The following MYO6 variants were observed in gnomAD, a reference collection of about 807,000 sequenced individuals.
MYO6 encodes the protein myosin VI.
Under a neutral mutation model 178.7 loss-of-function variants are expected in MYO6, and 74 were observed. The ratio of observed to expected loss-of-function variants is 0.41; its 90% confidence interval spans 0.34 to 0.50. The LOEUF is 0.50. Ranked by LOEUF, MYO6 falls within the 20% of genes least tolerant of loss-of-function variation. The pLI is 0.09. For missense variants in MYO6, 1,330 were observed against 1,547.4 expected, an observed-to-expected ratio of 0.86 and a Z score of 2.36; for synonymous variants, 477 against 504.6, an observed-to-expected ratio of 0.95 and a Z score of 0.73.
At chr6:75,755,760 C>G (rs1403211392) in intron 1 of MYO6, among the ~76,000 whole-genome samples, 2 of 152,130 alleles carry the variant, frequency 1.3e-5, no homozygotes, top group Non-Finnish European at 2.9e-5. Context: ...GTAGTGTCTA[C>G]CACGGACCAG....
intron 1 of MYO6, among the ~76,000 whole-genome samples, chr6:75,763,252 C>G (rs1406172998): frequency 6.6e-6 from 1 of 152,022 alleles, no homozygotes; most frequent in African/African-American, 2.4e-5. Context: ...TCTTGAACTC[C>G]TGACCTCATG....
intron 20 of MYO6, among the ~76,000 whole-genome samples, chr6:75,874,108 T>G (rs980104691): frequency 3.7e-4 from 56 of 152,204 alleles, no homozygotes; most frequent in Admixed American, 3.7e-3. Context: ...AAGCTAAGAT[T>G]ACTTAAGCTT....
At chr6:75,795,760 T>C (rs1227665453) in intron 1 of MYO6, among the ~76,000 whole-genome samples, 1 of 152,248 alleles carries the variant, frequency 6.6e-6, no homozygotes, top group East Asian at 1.9e-4. Flanking sequence ...TATATTACTG[T>C]ATTTCTTTAA....
chr6:75,847,807 G>T (rs1774874629), intron 10 of MYO6, among the ~76,000 whole-genome samples: 2 of 151,966 alleles, frequency 1.3e-5, no homozygotes, highest in Middle Eastern at 3.4e-3. Flanking sequence ...GAGTCATACT[G>T]ATTGTCACAT....
chr6:75,765,640 C>T (rs2150002326), intron 1 of MYO6, among the ~76,000 whole-genome samples: 1 of 152,142 alleles, frequency 6.6e-6, no homozygotes, highest in South Asian at 2.1e-4. Context: ...CCCACCTACT[C>T]AGGAGGCTGA....
At chr6:75,811,466 T>A (rs1770694002) in intron 1 of MYO6, among the ~76,000 whole-genome samples, 1 of 152,192 alleles carries the variant, frequency 6.6e-6, no homozygotes, top group Non-Finnish European at 1.5e-5. Flanking sequence ...GTACTGTAGA[T>A]AAAGGGCTTT....
chr6:75,782,935 G>C, intron 1 of MYO6, among the ~76,000 whole-genome samples: 1 of 124,680 alleles, frequency 8.0e-6, no homozygotes. Flanking sequence ...TTTTTGAGAA[G>C]ACAGGGTCTT....
chr6:75,851,733 T>C (rs1775287893), intron 11 of MYO6, among the ~76,000 whole-genome samples: 1 of 152,026 alleles, frequency 6.6e-6, no homozygotes, highest in African/African-American at 2.4e-5. Flanking sequence ...TAGTCCCAGC[T>C]ACTTGGAAGG....
intron 31 of MYO6, 111 bp from the exon 32 acceptor site, chr6:75,908,385 C>G (rs781284295): frequency 1.1e-5 from 11 of 983,116 alleles, no homozygotes; most frequent in Non-Finnish European, 1.7e-5. Context: ...GATTTTGTAC[C>G]ATTAATTTAA....
chr6:75,882,961 G>A (rs1391985881), intron 23 of MYO6, among the ~76,000 whole-genome samples: 1 of 152,140 alleles, frequency 6.6e-6, no homozygotes, highest in Non-Finnish European at 1.5e-5. Flanking sequence ...AAAAACCATA[G>A]TGAGTCACCA....
chr6:75,782,026 A>G (rs895575225), intron 1 of MYO6, among the ~76,000 whole-genome samples: 4 of 151,994 alleles, frequency 2.6e-5, no homozygotes, highest in African/African-American at 9.7e-5. Flanking sequence ...GAGTGAAACT[A>G]ATTATTCTGA....
chr6:75,889,949 T>C, intron 25 of MYO6, 108 bp from the exon 26 acceptor site: 1 of 872,532 alleles, frequency 1.1e-6, no homozygotes. Context: ...CATTAAAATT[T>C]ATCTTAGCCA....
At chr6:75,826,633 G>T (rs1285939465) in intron 3 of MYO6, among the ~76,000 whole-genome samples, 2 of 152,078 alleles carry the variant, frequency 1.3e-5, no homozygotes, top group Non-Finnish European at 2.9e-5. Flanking sequence ...GAAGATTAGG[G>T]ATATAGAAAG....
intron 9 of MYO6, among the ~76,000 whole-genome samples, chr6:75,843,912 G>A (rs1404238833): frequency 1.3e-5 from 2 of 151,966 alleles, no homozygotes; most frequent in Non-Finnish European, 2.9e-5. Context: ...TTTTTGGTAT[G>A]TGTATGATGA....
intron 19 of MYO6, 28 bp downstream of exon 19, chr6:75,870,713 T>C: frequency 6.3e-7 from 1 of 1,588,922 alleles, no homozygotes. Flanking sequence ...GAAAACAGGT[T>C]TTTATGGGTC....
Position 75,879,843 on chromosome 6 carries a change from A to T in MYO6, c.2101A>T (p.Met701Leu), listed in dbSNP as rs754747665. 2 of 1,614,136 alleles carry T rather than the reference A, an allele frequency of 1.2e-6. No individual in the cohort carries two copies. The highest frequency in any genetic ancestry group is 1.7e-6 in the Non-Finnish European group (2 of 1,180,012). Residue 701 changes from methionine (M) to leucine (L), a missense_variant, in exon 21 of 35, where the codon ATG becomes TTG. By Grantham distance (15) the Met-to-Leu change is conservative (BLOSUM62 2). Transcript: ENST00000369977. The stretch of plus-strand genomic sequence containing the variant: ...AGGGATGGTGTCTGTTTTGGACTTG[A>T]TGCAGGGTGGTTACCCATCACGAGC... ...CSGMVSVLDLMQGGYPSRASF... is the reference protein window; with the variant it reads ...CSGMVSVLDLLQGGYPSRASF...
rs760717131 is a variant in MYO6, at chr6:75,822,861, A to G, written c.187+10A>G. 1 of 1,605,638 alleles carries G rather than the reference A, an allele frequency of 6.2e-7. No individual in the cohort carries two copies. Among genetic ancestry groups the G allele is most frequent in the South Asian group, 1.1e-5 (1 of 90,912 alleles). ...GATGTGGAAGATAACTGTAAGTACCAAGTTAAAAATTAACTCTCCGCACAG... is the reference window on the plus strand; with the variant it reads ...GATGTGGAAGATAACTGTAAGTACCGAGTTAAAAATTAACTCTCCGCACAG... On this transcript the variant is annotated intron_variant, in intron 3 of 34. Transcript: ENST00000369977.
intron 1 of MYO6, among the ~76,000 whole-genome samples, chr6:75,762,210 C>G (rs1778016189): frequency 6.6e-6 from 1 of 152,224 alleles, no homozygotes; most frequent in Admixed American, 6.5e-5. Context: ...GCTGGGATTA[C>G]AGGCATGAGC....
At chr6:75,794,873 T>C (rs934972640) in intron 1 of MYO6, among the ~76,000 whole-genome samples, 6 of 152,240 alleles carry the variant, frequency 3.9e-5, no homozygotes, top group East Asian at 1.9e-4. Flanking sequence ...TACTACTTCA[T>C]TGTGAACAAC....
Sources: gnomAD v4.1 joint callset for allele counts (sites outside exome capture counted in the v4.1 genomes callset) on GRCh38, gnomAD v4.1.1 for gene constraint, MANE v1.5 for transcripts, NCBI Gene and HGNC (gene_info 2026-07-23, HGNC 2026-07-21) for gene names.